ATP11B: variants seen among roughly 807,000 people sequenced by gnomAD.
ATP11B encodes the protein phospholipid-transporting ATPase IF.
A neutral mutation model predicts 157.8 loss-of-function variants in ATP11B; 81 were observed. The ratio of observed to expected loss-of-function variants is 0.51; its 90% confidence interval spans 0.43 to 0.62. The LOEUF (loss-of-function observed/expected upper bound fraction) is 0.62. ATP11B is among the 20% of genes least tolerant of loss of function. The probability of loss-of-function intolerance (pLI) is 0.00; values close to 1 mark genes in which losing one functional copy is unlikely to be tolerated. For synonymous variants in ATP11B, 451 were observed against 469.4 expected, an observed-to-expected ratio of 0.96 and a Z score of 0.51; for missense variants, 1,165 against 1,402.2, an observed-to-expected ratio of 0.83 and a Z score of 2.70.
At chr3:182,891,754 C>T (rs907081094) in intron 25 of ATP11B, among the ~76,000 whole-genome samples, 1 of 152,164 alleles carries the variant, frequency 6.6e-6, no homozygotes. Context: ...CCACTCCCTA[C>T]CTCCAATACT....
intron 19 of ATP11B, among the ~76,000 whole-genome samples, chr3:182,878,545 T>G (rs952458617): frequency 2.0e-5 from 3 of 152,234 alleles, no homozygotes; most frequent in Non-Finnish European, 2.9e-5. Context: ...GTGTGCTTAG[T>G]GATTTTGTTG....
At chr3:182,813,777 G>T (rs1199912544) in intron 1 of ATP11B, among the ~76,000 whole-genome samples, 1 of 151,660 alleles carries the variant, frequency 6.6e-6, no homozygotes. Flanking sequence ...GCCCAGGCTG[G>T]AGTGCAGTGG....
At chr3:182,832,500 A>G (rs975587476) in intron 4 of ATP11B, among the ~76,000 whole-genome samples, 2 of 152,204 alleles carry the variant, frequency 1.3e-5, no homozygotes, top group African/African-American at 4.8e-5. Context: ...ATTACTGTAG[A>G]TCAATAGAAC....
chr3:182,819,395 C>T (rs540678909), intron 1 of ATP11B, among the ~76,000 whole-genome samples: 2 of 152,258 alleles, frequency 1.3e-5, no homozygotes, highest in African/African-American at 4.8e-5. Flanking sequence ...TTTCAAAACC[C>T]TAGACAATAT....
chr3:182,801,010 C>T (rs1329331814), intron 1 of ATP11B, among the ~76,000 whole-genome samples: 3 of 152,064 alleles, frequency 2.0e-5, no homozygotes, highest in African/African-American at 7.2e-5. Context: ...CCATGTTGGC[C>T]AGGCCAGTCT....
chr3:182,907,085 TC>T (rs199862635), intron 28 of ATP11B, among the ~76,000 whole-genome samples: 2,501 of 136,960 alleles, frequency 0.018, 83 homozygotes, highest in African/African-American at 0.069. Context: ...AGAGTGAGAC[TC>T]CGTCTCAAAA....
At chr3:182,900,234 A>T (rs2108582019) in intron 28 of ATP11B, among the ~76,000 whole-genome samples, 1 of 152,296 alleles carries the variant, frequency 6.6e-6, no homozygotes, top group South Asian at 2.1e-4. Context: ...TTGAATTCAG[A>T]TATTGTTTCA....
chr3:182,873,256 AT>A (rs1191662572), intron 18 of ATP11B, among the ~76,000 whole-genome samples: 1 of 152,122 alleles, frequency 6.6e-6, no homozygotes, highest in Non-Finnish European at 1.5e-5. Context: ...CTGAGATTGA[AT>A]TCTGCAGATT....
At chr3:182,821,007 A>T (rs1387366224) in intron 2 of ATP11B, among the ~76,000 whole-genome samples, 1 of 152,208 alleles carries the variant, frequency 6.6e-6, no homozygotes, top group Admixed American at 6.5e-5. Context: ...GCAGTGTTAT[A>T]CTGATTTTAA....
rs79464584 is a variant in ATP11B, at chr3:182,819,728, C to T, written c.28-532C>T. On this transcript the variant is annotated intron_variant, in intron 1 of 29. Transcript: ENST00000323116. ...CATCTGGGAACAAAGCTCTTTGCAACCAAGTCAGTCTGGGGATGGAAAAAG... is the reference window on the plus strand; with the variant it reads ...CATCTGGGAACAAAGCTCTTTGCAATCAAGTCAGTCTGGGGATGGAAAAAG... 5.2e-3 allele frequency among the ~76,000 whole-genome samples: 787 copies of T among 152,312 alleles called. 4 individuals are homozygous for T. Among genetic ancestry groups the T allele is most frequent in the African/African-American group, 0.018 (765 of 41,574 alleles).
intron 12 of ATP11B, among the ~76,000 whole-genome samples, chr3:182,865,211 ATG>A (rs1332679040): frequency 4.6e-5 from 7 of 152,194 alleles, no homozygotes; most frequent in African/African-American, 1.7e-4. Context: ...ACAGATAAAC[ATG>A]TACGTAAAGA....
intron 8 of ATP11B, chr3:182,843,822 A>G (rs1483952484): frequency 2.0e-5 from 3 of 152,210 alleles, no homozygotes; most frequent in Non-Finnish European, 1.5e-5. Context: ...AGCATTTTTT[A>G]ATGAAATCCT....
intron 9 of ATP11B, among the ~76,000 whole-genome samples, chr3:182,848,147 T>A (rs1416796173): frequency 2.6e-5 from 4 of 152,246 alleles, no homozygotes; most frequent in Non-Finnish European, 5.9e-5. Flanking sequence ...AACACTGCTG[T>A]ATTTGTAATG....
intron 13 of ATP11B, 73 bp downstream of exon 13, chr3:182,865,771 GA>G (rs979715644): frequency 1.2e-4 from 150 of 1,288,170 alleles, no homozygotes; most frequent in Non-Finnish European, 1.5e-4. Context: ...TGAGTTGCAG[GA>G]AAAAAAGTTT....
chr3:182,857,927 G>A lies in ATP11B; in HGVS notation c.901G>A (p.Ala301Thr), dbSNP rs900662550. 3 of 1,576,510 alleles carry A rather than the reference G, an allele frequency of 1.9e-6. No homozygotes were observed. The African/African-American group carries it at 4.0e-5, about 21-fold the overall frequency. The change falls in exon 11 of 30, where the codon GCT becomes ACT. Residue 301 changes from alanine to threonine, a missense_variant. Transcript: ENST00000323116. ...IIYLVILISE[A>T]VISTILKYTW... Reference sequence around the variant, plus strand: ...TTATCTAGTAATTCTTATATCTGAAGCTGTCATCAGCACTATCTTGAAGTA... The same window carrying A: ...TTATCTAGTAATTCTTATATCTGAAACTGTCATCAGCACTATCTTGAAGTA...
At chr3:182,803,451 G>T (rs4859247) in intron 1 of ATP11B, among the ~76,000 whole-genome samples, 23,278 of 151,930 alleles carry the variant, frequency 0.15, 2,359 homozygotes, top group African/African-American at 0.3. Flanking sequence ...AGTCTGTTCC[G>T]TGTATTTAAT....
At chr3:182,865,826 G>T in intron 13 of ATP11B, 128 bp downstream of exon 13, 1 of 713,136 alleles carries the variant, frequency 1.4e-6, no homozygotes, top group Non-Finnish European at 2.3e-6. Context: ...TCATATATTT[G>T]ATTCAACAAT....
chr3:182,912,939 C>A (rs769543483), intron 28 of ATP11B, among the ~76,000 whole-genome samples: 1 of 151,902 alleles, frequency 6.6e-6, no homozygotes, highest in African/African-American at 2.4e-5. Flanking sequence ...TGAAAAATTT[C>A]GGAGCATCTT....
intron 10 of ATP11B, among the ~76,000 whole-genome samples, chr3:182,849,639 T>C (rs1286464167): frequency 3.3e-5 from 5 of 152,078 alleles, no homozygotes; most frequent in African/African-American, 1.2e-4. Flanking sequence ...ATTAGGTGGG[T>C]CTCAACACCA....
Sources: gnomAD v4.1 joint callset for allele counts (sites outside exome capture counted in the v4.1 genomes callset) on GRCh38, gnomAD v4.1.1 for gene constraint, MANE v1.5 for transcripts, NCBI Gene and HGNC (gene_info 2026-07-23, HGNC 2026-07-21) for gene names.